Variants in STK32C observed in about 807,000 individuals in gnomAD.
The protein encoded by STK32C is serine/threonine-protein kinase 32C.
A neutral mutation model predicts 56.5 loss-of-function variants in STK32C; 31 were observed. The observed-to-expected ratio is 0.55, with a 90% confidence interval of 0.41 to 0.74. The LOEUF is 0.74. Among genes scored for constraint, STK32C ranks in the 30% least tolerant of loss-of-function variants. STK32C has a pLI of 0.00. For missense variants in STK32C, 544 were observed against 676.9 expected (o/e 0.80, Z 2.18); for synonymous variants, 309 against 289.4 (o/e 1.07, Z -0.69).
chr10:132,261,619 G>C (rs901859107), intron 1 of STK32C, among the ~76,000 whole-genome samples: 1 of 152,170 alleles, frequency 6.6e-6, no homozygotes, highest in African/African-American at 2.4e-5. Flanking sequence ...CAGAAAATTA[G>C]TCAGGCATGG....
At chr10:132,298,369 C>T (rs2065816104) in intron 1 of STK32C, among the ~76,000 whole-genome samples, 1 of 152,294 alleles carries the variant, frequency 6.6e-6, no homozygotes, top group Non-Finnish European at 1.5e-5. Context: ...GGAATTCCTC[C>T]TGCCCCAATG....
At chr10:132,269,616 T>C (rs1052779898) in intron 1 of STK32C, among the ~76,000 whole-genome samples, 2 of 152,200 alleles carry the variant, frequency 1.3e-5, no homozygotes, top group African/African-American at 2.4e-5. Context: ...TAACAGCTAG[T>C]GGATGGTCTT....
At chr10:132,304,359 C>G (rs1405535411) in intron 1 of STK32C, among the ~76,000 whole-genome samples, 1 of 152,164 alleles carries the variant, frequency 6.6e-6, no homozygotes, top group Non-Finnish European at 1.5e-5. Context: ...ACCCACAGTT[C>G]ACGGGTGTGG....
chr10:132,331,936 AC>A (rs66639442), upstream of STK32C: 12 of 366,242 alleles, frequency 3.3e-5, no homozygotes, highest in East Asian at 1.9e-4. Flanking sequence ...CGCAAGCGCA[AC>A]CCCCCGCCCC....
intron 1 of STK32C, among the ~76,000 whole-genome samples, chr10:132,303,068 G>C (rs1381783950): frequency 9.2e-5 from 14 of 152,240 alleles, no homozygotes; most frequent in African/African-American, 3.4e-4. Flanking sequence ...CTTCACATCA[G>C]CAGCAGCCAG....
At chr10:132,329,072 AG>A (rs1323884843) in intron 1 of STK32C, among the ~76,000 whole-genome samples, 1 of 152,256 alleles carries the variant, frequency 6.6e-6, no homozygotes, top group Non-Finnish European at 1.5e-5. Context: ...AATTCCGCCC[AG>A]GGGAGATGAA....
intron 1 of STK32C, among the ~76,000 whole-genome samples, chr10:132,327,794 A>T (rs535308171): frequency 5.3e-5 from 8 of 152,186 alleles, no homozygotes; most frequent in Middle Eastern, 6.8e-3. Context: ...GGTAATTTTT[A>T]AAACAAAAAT....
intron 1 of STK32C, among the ~76,000 whole-genome samples, chr10:132,260,392 C>T (rs1210356339): frequency 3.9e-5 from 6 of 152,224 alleles, no homozygotes; most frequent in South Asian, 4.1e-4. Context: ...GGAGCCAGCG[C>T]GAAATCCACC....
intron 1 of STK32C, among the ~76,000 whole-genome samples, chr10:132,328,609 G>A (rs2066554128): frequency 6.6e-6 from 1 of 152,226 alleles, no homozygotes; most frequent in Non-Finnish European, 1.5e-5. Flanking sequence ...GTCAAACCAT[G>A]AACTGAATTC....
intron 1 of STK32C, among the ~76,000 whole-genome samples, chr10:132,286,153 C>CT (rs1284085120): frequency 6.6e-6 from 1 of 151,502 alleles, no homozygotes; most frequent in Non-Finnish European, 1.5e-5. Context: ...AATAATACAA[C>CT]TTCATGCAAC....
At chr10:132,231,046 G>A (rs1465958095) in intron 2 of STK32C, among the ~76,000 whole-genome samples, 1 of 152,180 alleles carries the variant, frequency 6.6e-6, no homozygotes, top group Non-Finnish European at 1.5e-5. Context: ...TGCCAGACAG[G>A]CTCACCCAGG....
At chr10:132,210,521 T>A (rs1045096673) in intron 10 of STK32C, among the ~76,000 whole-genome samples, 17 of 152,212 alleles carry the variant, frequency 1.1e-4, no homozygotes, top group African/African-American at 4.1e-4. Flanking sequence ...GTGCTGAGAT[T>A]ACAGGCGTGA....
intron 10 of STK32C, among the ~76,000 whole-genome samples, chr10:132,213,642 AAT>A (rs1259513632): frequency 4.7e-4 from 71 of 152,374 alleles, no homozygotes; most frequent in African/African-American, 1.6e-3. Flanking sequence ...TAAGGAAAAA[AAT>A]AGAGTGTGAA....
chr10:132,291,980 G>A (rs951355540), intron 1 of STK32C, among the ~76,000 whole-genome samples: 2 of 152,058 alleles, frequency 1.3e-5, no homozygotes, highest in Non-Finnish European at 2.9e-5. Context: ...GTCCACATAC[G>A]GCCCAGCCTT....
intron 1 of STK32C, among the ~76,000 whole-genome samples, chr10:132,278,603 T>C (rs957991210): frequency 2.0e-5 from 3 of 150,448 alleles, no homozygotes; most frequent in African/African-American, 4.9e-5. Flanking sequence ...CTACTAAAAA[T>C]AGAAAAAATT....
intron 1 of STK32C, among the ~76,000 whole-genome samples, chr10:132,318,558 T>C (rs1318053265): frequency 1.3e-5 from 2 of 150,834 alleles, no homozygotes; most frequent in African/African-American, 4.9e-5. Context: ...GAGGTTGCAG[T>C]GAGCTGAGAT....
At chr10:132,233,857 G>T (rs2063182106) in intron 2 of STK32C, among the ~76,000 whole-genome samples, 1 of 152,256 alleles carries the variant, frequency 6.6e-6, no homozygotes, top group African/African-American at 2.4e-5. Context: ...TGCTGCGACT[G>T]CAGGATGGCC....
chr10:132,227,417 A>G (rs1006961704), intron 3 of STK32C, among the ~76,000 whole-genome samples: 4 of 152,124 alleles, frequency 2.6e-5, no homozygotes, highest in Admixed American at 2.0e-4. Flanking sequence ...TGACGATGGC[A>G]GTGATGGTGG....
chr10:132,275,513 G>A (rs1255452883), intron 1 of STK32C, among the ~76,000 whole-genome samples: 1 of 152,130 alleles, frequency 6.6e-6, no homozygotes, highest in Non-Finnish European at 1.5e-5. Context: ...GGACATCCTA[G>A]GATTTTGCTC....
Sources: allele counts gnomAD v4.1 joint callset (sites outside exome capture counted in the v4.1 genomes callset), GRCh38; gene constraint gnomAD v4.1.1; transcripts MANE v1.5; gene names NCBI Gene and HGNC (gene_info 2026-07-23, HGNC 2026-07-21).